Variants in BLTP3A observed in about 807,000 individuals in gnomAD.
The protein encoded by BLTP3A is bridge-like lipid transfer protein family member 3A, also known as ICBP90 binding protein 1.
At chr6:34,877,048 AT>A in the BLTP3A span, 1 of 152,656 alleles carries the variant, frequency 6.6e-6, no homozygotes, top group African/African-American at 2.4e-5. Context: ...TTTGGTCAAG[AT>A]TTAGCCTGAG....
chr6:34,866,412 GAAA>G, the BLTP3A span, among the ~76,000 whole-genome samples: 1 of 134,830 alleles, frequency 7.4e-6, no homozygotes, highest in African/African-American at 2.7e-5. Context: ...TCAAAAAAAA[GAAA>G]AAAAAAAAAG....
the BLTP3A span, chr6:34,873,578 C>T: frequency 6.6e-6 from 1 of 152,178 alleles, no homozygotes; most frequent in Non-Finnish European, 1.5e-5. Flanking sequence ...CTATTTCCCC[C>T]TTTCTTTCCT....
the BLTP3A span, chr6:34,871,246 T>A: frequency 8.8e-7 from 1 of 1,139,924 alleles, no homozygotes; most frequent in Non-Finnish European, 1.2e-6. Flanking sequence ...GAGGATCAAG[T>A]GAGGAAATAT....
the BLTP3A span, among the ~76,000 whole-genome samples, chr6:34,835,865 A>G: frequency 6.6e-6 from 1 of 152,346 alleles, no homozygotes; most frequent in South Asian, 2.1e-4. Context: ...GACGTCCTAG[A>G]GGAAATGTTT....
chr6:34,820,871 C>T, the BLTP3A span, among the ~76,000 whole-genome samples: 2 of 135,938 alleles, frequency 1.5e-5, no homozygotes, highest in Admixed American at 7.9e-5. Context: ...AGGCTTGTCT[C>T]GATCTCCTAG....
chr6:34,852,762 G>C, the BLTP3A span, among the ~76,000 whole-genome samples: 1 of 122,070 alleles, frequency 8.2e-6, no homozygotes, highest in Non-Finnish European at 1.6e-5. Context: ...CAATCCTTGT[G>C]GCTTTTCAAA....
chr6:34,808,346 C>CAAA, the BLTP3A span, among the ~76,000 whole-genome samples: 224 of 26,684 alleles, frequency 8.4e-3, 42 homozygotes, highest in African/African-American at 0.027. Flanking sequence ...AACTCCGTCT[C>CAAA]AAAAAAAAAA....
the BLTP3A span, among the ~76,000 whole-genome samples, chr6:34,844,052 C>CAAAGA: frequency 1.3e-5 from 2 of 151,230 alleles, no homozygotes; most frequent in Non-Finnish European, 2.9e-5. Flanking sequence ...GTGATCTTTG[C>CAAAGA]TTACTGCAAG....
the BLTP3A span, among the ~76,000 whole-genome samples, chr6:34,799,097 A>G: frequency 1.3e-5 from 2 of 151,994 alleles, no homozygotes; most frequent in African/African-American, 4.8e-5. Context: ...GCCCGCCACC[A>G]GGCCTGGCTA....
the BLTP3A span, among the ~76,000 whole-genome samples, chr6:34,840,182 A>C: frequency 6.6e-6 from 1 of 152,206 alleles, no homozygotes; most frequent in Admixed American, 6.5e-5. Context: ...GGTACCAAAA[A>C]AAGAGTGTAA....
chr6:34,808,745 A>C, the BLTP3A span, among the ~76,000 whole-genome samples: 4 of 151,896 alleles, frequency 2.6e-5, no homozygotes, highest in Non-Finnish European at 5.9e-5. Flanking sequence ...CACCATGCCT[A>C]ATTTTTTTAT....
At chr6:34,840,519 T>C in the BLTP3A span, among the ~76,000 whole-genome samples, 41 of 150,922 alleles carry the variant, frequency 2.7e-4, no homozygotes, top group East Asian at 5.9e-4. Context: ...TGAGCCAAGA[T>C]TGCGCCATTG....
chr6:34,813,919 C>A, the BLTP3A span, among the ~76,000 whole-genome samples: 1 of 152,182 alleles, frequency 6.6e-6, no homozygotes, highest in Non-Finnish European at 1.5e-5. Context: ...TTATATAATT[C>A]TCAGAGCTGT....
At chr6:34,847,926 T>TC in the BLTP3A span, among the ~76,000 whole-genome samples, 1 of 133,154 alleles carries the variant, frequency 7.5e-6, no homozygotes, top group South Asian at 2.4e-4. Context: ...TTTTCCTTTT[T>TC]TTTTTTTTTT....
chr6:34,827,218 G>A, the BLTP3A span, among the ~76,000 whole-genome samples: 1 of 152,094 alleles, frequency 6.6e-6, no homozygotes, highest in African/African-American at 2.4e-5. Flanking sequence ...GGCTGAGGCA[G>A]GGGAGTTGCT....
chr6:34,869,014 AT>A, the BLTP3A span, among the ~76,000 whole-genome samples: 5 of 150,980 alleles, frequency 3.3e-5, no homozygotes, highest in East Asian at 2.0e-4. Context: ...TTGTTTTTTA[AT>A]TTTTTTTTGA....
chr6:34,800,838 A>T, the BLTP3A span, among the ~76,000 whole-genome samples: 2 of 151,704 alleles, frequency 1.3e-5, no homozygotes, highest in African/African-American at 2.4e-5. Flanking sequence ...AGCGATTTTC[A>T]TGCCTCAGCC....
chr6:34,861,162 A>T, the BLTP3A span, among the ~76,000 whole-genome samples: 3 of 151,556 alleles, frequency 2.0e-5, no homozygotes, highest in Non-Finnish European at 2.9e-5. Flanking sequence ...TTTTTGAGAC[A>T]GGTCTCATTC....
the BLTP3A span, among the ~76,000 whole-genome samples, chr6:34,799,798 A>G: frequency 6.6e-6 from 1 of 152,154 alleles, no homozygotes; most frequent in Non-Finnish European, 1.5e-5. Context: ...TAATGTATAA[A>G]TCTCCTTGGT....
Sources: allele counts gnomAD v4.1 joint callset (sites outside exome capture counted in the v4.1 genomes callset), GRCh38; gene constraint gnomAD v4.1.1; transcripts MANE v1.5; gene names NCBI Gene and HGNC (gene_info 2026-07-23, HGNC 2026-07-21).